The following CEP112 variants were observed in gnomAD, a reference collection of about 807,000 sequenced individuals.
CEP112 encodes centrosomal protein of 112 kDa.
In CEP112, 127 loss-of-function variants were observed where a neutral mutation model predicts 153.0. The ratio of observed to expected loss-of-function variants is 0.83; its 90% CI spans 0.72 to 0.96. CEP112 has a LOEUF of 0.96. CEP112 is among the 40% of genes least tolerant of loss of function. The probability of loss-of-function intolerance (pLI) is 0.00; values close to 1 mark genes in which losing one functional copy is unlikely to be tolerated. For missense variants in CEP112, 1,089 were observed against 1,101.2 expected (o/e 0.99, Z 0.16); for synonymous variants, 358 against 374.4 (o/e 0.96, Z 0.51).
chr17:65,675,384 T>G, intron 24 of CEP112, among the ~76,000 whole-genome samples: 1 of 152,186 alleles, frequency 6.6e-6, no homozygotes, highest in South Asian at 2.1e-4. Flanking sequence ...TTTTGTATTT[T>G]TATTAGAGAT....
At chr17:66,017,549 T>C (rs2064823632) in intron 16 of CEP112, among the ~76,000 whole-genome samples, 1 of 152,222 alleles carries the variant, frequency 6.6e-6, no homozygotes, top group South Asian at 2.1e-4. Context: ...TGAATATATC[T>C]GTATTGTTTA....
chr17:66,101,265 T>C (rs951606707), intron 6 of CEP112, among the ~76,000 whole-genome samples: 6 of 152,066 alleles, frequency 3.9e-5, no homozygotes, highest in African/African-American at 1.4e-4. Context: ...TTTAAGGAAC[T>C]CAGGTAAAGA....
chr17:65,681,110 G>A (rs1402269127), intron 24 of CEP112, among the ~76,000 whole-genome samples: 8 of 152,180 alleles, frequency 5.3e-5, no homozygotes, highest in African/African-American at 1.9e-4. Context: ...CTGTTTTGAG[G>A]ATAGGGGCTC....
In CEP112 at chr17:65,640,970, T is replaced by C; in HGVS notation, c.2793A>G (p.Lys931=). The C allele has an allele frequency of 6.3e-7, 1 of 1,577,276 alleles. No individual in the cohort carries two copies. The highest frequency in any genetic ancestry group is 8.7e-7 in the Non-Finnish European group (1 of 1,146,686). ...QELEDTISSL[K]SQVNFLQKRA... is the part of the protein sequence containing the mutation. Reference sequence around the variant, plus strand: ...CCTTGATTCTAGTAATTACCTGTGATTTTAGGGAGGAAATGGTGTCTTCAA... The same window carrying C: ...CCTTGATTCTAGTAATTACCTGTGACTTTAGGGAGGAAATGGTGTCTTCAA... The change falls in exon 25 of 27, where the codon AAA becomes AAG. Residue 931 remains lysine (K), a synonymous_variant. Transcript: ENST00000535342.
intron 17 of CEP112, among the ~76,000 whole-genome samples, chr17:65,970,422 ACATG>A (rs139189454): frequency 0.4 from 51,137 of 128,772 alleles, 11,448 homozygotes; most frequent in East Asian, 0.85. Flanking sequence ...CATGTATATT[ACATG>A]CATGCACACA....
At chr17:66,067,968 A>T (rs1171188711) in intron 9 of CEP112, among the ~76,000 whole-genome samples, 5 of 152,136 alleles carry the variant, frequency 3.3e-5, no homozygotes, top group African/African-American at 1.2e-4. Context: ...ACATGAGGAG[A>T]TGACATGTAA....
At chr17:65,916,948 G>C (rs762725131) in intron 19 of CEP112, among the ~76,000 whole-genome samples, 6 of 152,160 alleles carry the variant, frequency 3.9e-5, no homozygotes, top group Non-Finnish European at 7.3e-5. Flanking sequence ...GGAAGAGAAG[G>C]CTCTTCAATT....
chr17:66,147,189 C>T lies in CEP112; in HGVS notation c.471-14426G>A, dbSNP rs559190052. ...CCAACACTTTTTTTTTCACAGTAGCCATCCTCATGGATGTAAGGTAACATC... is the reference window on the plus strand; with the variant it reads ...CCAACACTTTTTTTTTCACAGTAGCTATCCTCATGGATGTAAGGTAACATC... On this transcript the variant is annotated intron_variant, in intron 4 of 26. Coordinates refer to ENST00000535342, the MANE Select transcript of CEP112 (RefSeq NM_001199165.4). Among the ~76,000 whole-genome samples, 14 of 152,192 alleles carry T rather than the reference C, an allele frequency of 9.2e-5. No homozygotes were observed. In the South Asian group the frequency reaches 1.9e-3, roughly 20 times the overall value.
chr17:66,164,900 G>A (rs2071880928), intron 4 of CEP112, among the ~76,000 whole-genome samples: 1 of 142,518 alleles, frequency 7.0e-6, no homozygotes, highest in Non-Finnish European at 1.6e-5. Flanking sequence ...GTGTGTGTGT[G>A]TGTGTGTGTG....
At chr17:65,774,337 G>C (rs2053556777) in intron 21 of CEP112, among the ~76,000 whole-genome samples, 1 of 152,128 alleles carries the variant, frequency 6.6e-6, no homozygotes, top group African/African-American at 2.4e-5. Context: ...GGAAACAATA[G>C]AAGCCCCATA....
chr17:65,987,288 T>C (rs2063444829), intron 17 of CEP112, among the ~76,000 whole-genome samples: 1 of 151,848 alleles, frequency 6.6e-6, no homozygotes, highest in South Asian at 2.1e-4. Flanking sequence ...CAGAGCACAA[T>C]AAAAATTCAT....
At chr17:65,883,780 G>A (rs1207679186) in intron 20 of CEP112, among the ~76,000 whole-genome samples, 1 of 152,200 alleles carries the variant, frequency 6.6e-6, no homozygotes, top group Non-Finnish European at 1.5e-5. Flanking sequence ...AAAAATAAGA[G>A]ATAAGGCAAG....
chr17:65,940,067 C>T (rs2061462542), intron 18 of CEP112, among the ~76,000 whole-genome samples: 1 of 152,040 alleles, frequency 6.6e-6, no homozygotes, highest in Non-Finnish European at 1.5e-5. Flanking sequence ...GATTAAAAAA[C>T]AGGCAAAGGA....
At chr17:66,108,873 T>C (rs1240436161) in intron 6 of CEP112, among the ~76,000 whole-genome samples, 1 of 152,048 alleles carries the variant, frequency 6.6e-6, no homozygotes, top group Non-Finnish European at 1.5e-5. Flanking sequence ...TAAGTATCCA[T>C]CAACAGATGA....
chr17:66,085,670 A>AT (rs1393019628), intron 8 of CEP112, among the ~76,000 whole-genome samples: 1 of 152,220 alleles, frequency 6.6e-6, no homozygotes, highest in African/African-American at 2.4e-5. Flanking sequence ...ATCAGAATAT[A>AT]TATGTCAGTC....
In CEP112 at chr17:65,654,015, C is replaced by T. The variant is rs578250530; in HGVS notation, c.2698-12950G>A. Among the ~76,000 whole-genome samples the T allele has an allele frequency of 1.2e-4, 17 of 136,514 alleles. 1 individual carries two copies. In the East Asian group the frequency reaches 2.4e-3, roughly 19 times the overall value. 89.6% of individuals were successfully genotyped at this position (136,514 alleles called of 152,430 possible). ...CAGAGGTTGCAGTAAGCCGAGATTGCGCCACTGTACTCTAGCCTGGCAACC... is the reference window on the plus strand; with the variant it reads ...CAGAGGTTGCAGTAAGCCGAGATTGTGCCACTGTACTCTAGCCTGGCAACC... On this transcript the variant is annotated intron_variant, in intron 24 of 26. Transcript: ENST00000535342.
At chr17:66,125,180 G>C (rs578043252) in intron 6 of CEP112, among the ~76,000 whole-genome samples, 38 of 152,288 alleles carry the variant, frequency 2.5e-4, no homozygotes, top group African/African-American at 8.9e-4. Flanking sequence ...AAGAGAATTT[G>C]TCTTATCAAA....
chr17:65,736,801 T>C (rs77388052), intron 23 of CEP112, among the ~76,000 whole-genome samples: 2,383 of 152,228 alleles, frequency 0.016, 53 homozygotes, highest in African/African-American at 0.052. Flanking sequence ...GATGCAGGGA[T>C]TTCTTTCAAC....
chr17:65,964,829 C>A (rs1306623847), intron 17 of CEP112, among the ~76,000 whole-genome samples: 1 of 151,984 alleles, frequency 6.6e-6, no homozygotes, highest in Non-Finnish European at 1.5e-5. Context: ...TTGGGAAGAC[C>A]ATTTTATAAT....
Sources: allele counts gnomAD v4.1 joint callset (sites outside exome capture counted in the v4.1 genomes callset), GRCh38; gene constraint gnomAD v4.1.1; transcripts MANE v1.5; gene names NCBI Gene and HGNC (gene_info 2026-07-23, HGNC 2026-07-21).